GALNT17: variants seen among roughly 807,000 people sequenced by gnomAD.
GALNT17 encodes the protein polypeptide N-acetylgalactosaminyltransferase 17.
GALNT17 carries 29 observed loss-of-function variants against 63.7 expected under a neutral mutation model. That is an observed-to-expected ratio of 0.46 (90% CI 0.34 to 0.62). The LOEUF (loss-of-function observed/expected upper bound fraction) is 0.62, where lower values mean the gene tolerates loss of function less well. GALNT17 is among the 20% of genes least tolerant of loss of function. The pLI, the probability that GALNT17 is intolerant of heterozygous loss-of-function variation, is 0.01. For synonymous variants in GALNT17, 305 were observed against 318.3 expected (o/e 0.96, Z 0.45); for missense variants, 603 against 799.6 (o/e 0.75, Z 2.97).
At chr7:71,518,298 G>C (rs1788475213) in intron 5 of GALNT17, among the ~76,000 whole-genome samples, 1 of 152,126 alleles carries the variant, frequency 6.6e-6, no homozygotes, top group Non-Finnish European at 1.5e-5. Context: ...TACATTTCCT[G>C]TTTCCCTTGG....
At chr7:71,218,556 C>A (rs1789527900) in intron 1 of GALNT17, among the ~76,000 whole-genome samples, 2 of 152,100 alleles carry the variant, frequency 1.3e-5, no homozygotes, top group South Asian at 4.2e-4. Flanking sequence ...ACACAGGGGT[C>A]CCCAACCCCT....
At chr7:71,563,148 T>A (rs1789283012) in intron 5 of GALNT17, among the ~76,000 whole-genome samples, 1 of 152,210 alleles carries the variant, frequency 6.6e-6, no homozygotes, top group African/African-American at 2.4e-5. Flanking sequence ...ATGGAGCTAT[T>A]AGGCTTTGGC....
chr7:71,153,118 C>T (rs1325732761), intron 1 of GALNT17, among the ~76,000 whole-genome samples: 1 of 151,398 alleles, frequency 6.6e-6, no homozygotes, highest in African/African-American at 2.4e-5. Context: ...GAAGCAAGGG[C>T]TTTGGAGTTA....
intron 1 of GALNT17, among the ~76,000 whole-genome samples, chr7:71,273,227 C>T (rs1790624454): frequency 6.6e-6 from 1 of 152,200 alleles, no homozygotes; most frequent in African/African-American, 2.4e-5. Context: ...TAATCACTCA[C>T]CTCATTTCCC....
At chr7:71,564,493 C>A (rs1789307978) in intron 5 of GALNT17, among the ~76,000 whole-genome samples, 2 of 151,888 alleles carry the variant, frequency 1.3e-5, no homozygotes, top group South Asian at 4.2e-4. Context: ...CACATGTTGG[C>A]CAGGCTGGCC....
chr7:71,395,361 T>C (rs1185359463), intron 3 of GALNT17, among the ~76,000 whole-genome samples: 7 of 152,196 alleles, frequency 4.6e-5, no homozygotes, highest in Non-Finnish European at 1.0e-4. Context: ...CCTGGCTTCT[T>C]TCACTGAACA....
chr7:71,644,791 C>A (rs1790652646), intron 6 of GALNT17, among the ~76,000 whole-genome samples: 1 of 151,984 alleles, frequency 6.6e-6, no homozygotes, highest in Admixed American at 6.6e-5. Flanking sequence ...AAATTCTACA[C>A]ATTACAAGTC....
chr7:71,324,723 T>G (rs1363430649), intron 1 of GALNT17, among the ~76,000 whole-genome samples: 2 of 150,688 alleles, frequency 1.3e-5, no homozygotes, highest in African/African-American at 4.9e-5. Context: ...TTTATTAATT[T>G]AATGTATATA....
chr7:71,249,115 A>G (rs979584241), intron 1 of GALNT17, among the ~76,000 whole-genome samples: 13 of 152,230 alleles, frequency 8.5e-5, no homozygotes, highest in Admixed American at 7.2e-4. Flanking sequence ...CTTGAAGTTC[A>G]TGTATATGGT....
At position 71,472,516 on chromosome 7, in the gene GALNT17, G is replaced by A. The variant is rs796237018; in HGVS notation, c.962+51411G>A. ...ATACTGGCCAACATGGTGAAACCCC[G>A]TGTCTACTAAAATAAAAAAATTAGC... On this transcript the variant is annotated intron_variant, in intron 5 of 10. Transcript: ENST00000333538. Among the ~76,000 whole-genome samples, 16 of 152,044 alleles carry A rather than the reference G, an allele frequency of 1.1e-4. No individual in the cohort carries two copies. In the East Asian group the frequency reaches 1.7e-3, roughly 17 times the overall value.
intron 1 of GALNT17, among the ~76,000 whole-genome samples, chr7:71,244,173 C>T (rs1562943076): frequency 1.3e-5 from 2 of 152,206 alleles, no homozygotes; most frequent in Non-Finnish European, 2.9e-5. Flanking sequence ...CGTCCAGATC[C>T]TGCCTGGCTG....
intron 6 of GALNT17, among the ~76,000 whole-genome samples, chr7:71,583,562 A>G (rs1789669437): frequency 6.6e-6 from 1 of 152,192 alleles, no homozygotes; most frequent in Non-Finnish European, 1.5e-5. Flanking sequence ...TGCAGAACGA[A>G]GTTTTATTGG....
At chr7:71,638,307 C>T (rs1185831427) in intron 6 of GALNT17, among the ~76,000 whole-genome samples, 3 of 152,196 alleles carry the variant, frequency 2.0e-5, no homozygotes, top group Non-Finnish European at 4.4e-5. Flanking sequence ...GTATCTTGTG[C>T]CAACCTCCTA....
intron 8 of GALNT17, among the ~76,000 whole-genome samples, chr7:71,673,256 G>C (rs1229388879): frequency 6.6e-6 from 1 of 152,116 alleles, no homozygotes; most frequent in Non-Finnish European, 1.5e-5. Context: ...GCTCAGACAT[G>C]TTATTTTTGA....
intron 6 of GALNT17, among the ~76,000 whole-genome samples, chr7:71,579,559 A>G (rs762032854): frequency 1.3e-5 from 2 of 152,244 alleles, no homozygotes; most frequent in Non-Finnish European, 2.9e-5. Context: ...AATGCTGTTT[A>G]AGAATTCTAA....
intron 6 of GALNT17, among the ~76,000 whole-genome samples, chr7:71,603,307 C>T (rs1166895587): frequency 1.3e-5 from 2 of 151,862 alleles, no homozygotes; most frequent in Non-Finnish European, 2.9e-5. Context: ...AGTGCATACA[C>T]CAGGTACTAT....
intron 1 of GALNT17, among the ~76,000 whole-genome samples, chr7:71,175,478 A>G (rs772378989): frequency 2.6e-5 from 4 of 152,124 alleles, no homozygotes; most frequent in Non-Finnish European, 4.4e-5. Context: ...CTTATCTACT[A>G]TCTGTAAGAG....
chr7:71,170,100 T>C (rs149297180), intron 1 of GALNT17, among the ~76,000 whole-genome samples: 216 of 152,198 alleles, frequency 1.4e-3, no homozygotes, highest in African/African-American at 4.8e-3. Context: ...TGTGTCTGGA[T>C]CTATTGTTTG....
chr7:71,700,415 T>C (rs1791614524), intron 9 of GALNT17, among the ~76,000 whole-genome samples: 1 of 152,108 alleles, frequency 6.6e-6, no homozygotes, highest in Non-Finnish European at 1.5e-5. Context: ...CATCCGCCCC[T>C]CTACTTCCAT....
Sources: allele counts gnomAD v4.1 joint callset (sites outside exome capture counted in the v4.1 genomes callset), GRCh38; gene constraint gnomAD v4.1.1; transcripts MANE v1.5; gene names NCBI Gene and HGNC (gene_info 2026-07-23, HGNC 2026-07-21).